Variants in SEMA3E observed in about 807,000 individuals in gnomAD.
SEMA3E encodes semaphorin-3E.
SEMA3E carries 49 observed loss-of-function variants against 93.6 expected under a neutral mutation model. The ratio of observed to expected loss-of-function variants is 0.52; its 90% CI spans 0.42 to 0.66. SEMA3E has a LOEUF of 0.66. SEMA3E is among the 30% of genes least tolerant of loss of function. SEMA3E has a pLI of 0.00. For missense variants in SEMA3E, 906 were observed against 964.8 expected, an observed-to-expected ratio of 0.94 and a Z score of 0.81; for synonymous variants, 363 against 330.7, an observed-to-expected ratio of 1.10 and a Z score of -1.06.
chr7:83,538,803 A>C (rs987539451), intron 1 of SEMA3E, among the ~76,000 whole-genome samples: 1 of 152,180 alleles, frequency 6.6e-6, no homozygotes, highest in African/African-American at 2.4e-5. Context: ...TATTTTAAAA[A>C]TTTCATCTTC....
At chr7:83,635,719 G>T (rs902587070) in intron 1 of SEMA3E, among the ~76,000 whole-genome samples, 2 of 151,726 alleles carry the variant, frequency 1.3e-5, no homozygotes, top group African/African-American at 4.8e-5. Context: ...AATAACCTGG[G>T]TTGAGAAAGT....
chr7:83,648,509 G>A lies in SEMA3E; in HGVS notation c.34C>T (p.Leu12=). The change falls in exon 1 of 17, where the codon CTG becomes TTG. Residue 12 remains leucine (L), a synonymous_variant. Coordinates refer to ENST00000643230, the MANE Select transcript of SEMA3E (RefSeq NM_012431.3). The part of the protein sequence containing the change: ...ASAGHIITLL[L]WGYLLELWTG... ...CAAAGCTCCAGTAAGTAACCCCACA[G>A]GAGCAAGGTGATAATGTGCCCCGCG... is the stretch of plus-strand genomic sequence containing the variant. 6.2e-7 allele frequency: 1 copy of A among 1,613,522 alleles called. No individual in the cohort carries two copies. The highest frequency in any genetic ancestry group is 8.5e-7 in the Non-Finnish European group (1 of 1,179,862).
At position 83,425,606 on chromosome 7, in the gene SEMA3E, AG is replaced by A. The variant is rs1304416133; in HGVS notation, c.457-7124del. Among the ~76,000 whole-genome samples, 11 of 152,328 alleles carry A rather than the reference AG, an allele frequency of 7.2e-5. No homozygotes were observed. The East Asian group carries it at 1.9e-3, about 27-fold the overall frequency. On this transcript the variant is annotated intron_variant, in intron 4 of 16. Coordinates refer to ENST00000643230, the MANE Select transcript of SEMA3E (RefSeq NM_012431.3). ...TATTAAGTCCCTATAATTTTATATAAGGGATTTTATATGTACTTAGGTAATT... is the reference window on the plus strand; with the variant it reads ...TATTAAGTCCCTATAATTTTATATAAGGATTTTATATGTACTTAGGTAATT...
At chr7:83,435,501 CAGG>C (rs1195249809) in intron 4 of SEMA3E, among the ~76,000 whole-genome samples, 1 of 151,932 alleles carries the variant, frequency 6.6e-6, no homozygotes, top group Non-Finnish European at 1.5e-5. Context: ...GAGGCCGAGG[CAGG>C]AGAATTGCTG....
chr7:83,446,461 T>C (rs921283461), intron 4 of SEMA3E, among the ~76,000 whole-genome samples: 11 of 152,186 alleles, frequency 7.2e-5, no homozygotes, highest in African/African-American at 2.7e-4. Flanking sequence ...TGACGTTTTG[T>C]GAATACCACT....
At chr7:83,643,081 T>A (rs1373770248) in intron 1 of SEMA3E, among the ~76,000 whole-genome samples, 1 of 152,048 alleles carries the variant, frequency 6.6e-6, no homozygotes, top group Non-Finnish European at 1.5e-5. Flanking sequence ...CTGAGCAGAT[T>A]GTTAGCAATA....
intron 1 of SEMA3E, among the ~76,000 whole-genome samples, chr7:83,606,357 C>G (rs1793117641): frequency 6.6e-6 from 1 of 151,870 alleles, no homozygotes; most frequent in African/African-American, 2.4e-5. Context: ...ATTTGGGAAC[C>G]AACCCAAATG....
intron 1 of SEMA3E, among the ~76,000 whole-genome samples, chr7:83,549,733 C>T (rs535386675): frequency 6.6e-6 from 1 of 152,122 alleles, no homozygotes; most frequent in African/African-American, 2.4e-5. Context: ...AGATCCCAGA[C>T]AAGTATACTA....
intron 1 of SEMA3E, among the ~76,000 whole-genome samples, chr7:83,605,675 C>A (rs779089334): frequency 6.6e-6 from 1 of 152,086 alleles, no homozygotes; most frequent in East Asian, 1.9e-4. Flanking sequence ...GGTGGTCCAC[C>A]CTCCTTGGCC....
chr7:83,493,822 T>C (rs1790433365), intron 1 of SEMA3E, among the ~76,000 whole-genome samples: 2 of 152,034 alleles, frequency 1.3e-5, no homozygotes, highest in Non-Finnish European at 1.5e-5. Context: ...CTTAATTTTC[T>C]CTAAGGCCTG....
chr7:83,458,019 TCAC>T (rs1789524797), intron 4 of SEMA3E, among the ~76,000 whole-genome samples: 1 of 151,950 alleles, frequency 6.6e-6, no homozygotes. Flanking sequence ...TATCGGATGG[TCAC>T]CAGTTTCTCT....
intron 16 of SEMA3E, among the ~76,000 whole-genome samples, chr7:83,384,891 T>C (rs1170918720): frequency 6.6e-6 from 1 of 152,006 alleles, no homozygotes. Context: ...TATTCATATG[T>C]CTAAGACATA....
chr7:83,471,322 T>TA (rs200779672), intron 2 of SEMA3E, among the ~76,000 whole-genome samples: 3 of 129,798 alleles, frequency 2.3e-5, no homozygotes, highest in Non-Finnish European at 5.1e-5. Context: ...ATTAAAACAT[T>TA]AAAAAAAAAG....
At position 83,533,339 on chromosome 7, in the gene SEMA3E, C is replaced by T. The variant is rs537801323; in HGVS notation, c.116-43065G>A. Among the ~76,000 whole-genome samples, 6 of 152,080 alleles carry T rather than the reference C, an allele frequency of 3.9e-5. No individual in the cohort carries two copies. In the East Asian group the frequency reaches 5.9e-4, roughly 15 times the overall value. On this transcript the variant is annotated intron_variant, in intron 1 of 16. Transcript: ENST00000643230. ...GGCAGATCACTTGAGGTTAGGAGTA[C>T]GAGACCAGTCTGGCCAACATGGCAA... is the stretch of plus-strand genomic sequence containing the variant.
At chr7:83,571,363 AG>A (rs1792282542) in intron 1 of SEMA3E, among the ~76,000 whole-genome samples, 1 of 152,230 alleles carries the variant, frequency 6.6e-6, no homozygotes, top group African/African-American at 2.4e-5. Flanking sequence ...CACATCAAAA[AG>A]TTAATTCATA....
At chr7:83,596,606 T>C (rs1792876570) in intron 1 of SEMA3E, among the ~76,000 whole-genome samples, 1 of 152,086 alleles carries the variant, frequency 6.6e-6, no homozygotes. Flanking sequence ...GAATCCTGGC[T>C]CTCCACCCTA....
At chr7:83,589,346 T>C (rs927451411) in intron 1 of SEMA3E, among the ~76,000 whole-genome samples, 4 of 152,128 alleles carry the variant, frequency 2.6e-5, no homozygotes, top group African/African-American at 9.7e-5. Flanking sequence ...CTATCCAGAG[T>C]ATAATTATCT....
chr7:83,437,666 A>G (rs905044936), intron 4 of SEMA3E, among the ~76,000 whole-genome samples: 5 of 152,332 alleles, frequency 3.3e-5, no homozygotes, highest in African/African-American at 1.2e-4. Context: ...AATGGAAATT[A>G]AAACAAACTA....
intron 4 of SEMA3E, among the ~76,000 whole-genome samples, chr7:83,449,645 T>A (rs1285109558): frequency 6.6e-6 from 1 of 152,104 alleles, no homozygotes; most frequent in African/African-American, 2.4e-5. Flanking sequence ...ATACAGCACA[T>A]ATTTTCTTTC....
Sources: allele counts gnomAD v4.1 joint callset (sites outside exome capture counted in the v4.1 genomes callset), GRCh38; gene constraint gnomAD v4.1.1; transcripts MANE v1.5; gene names NCBI Gene and HGNC (gene_info 2026-07-23, HGNC 2026-07-21).